KLHL1: variants seen among roughly 807,000 people sequenced by gnomAD.
KLHL1 encodes the protein kelch like family member 1.
A neutral mutation model predicts 77.7 loss-of-function variants in KLHL1; 47 were observed. That is an observed-to-expected ratio of 0.60 (90% CI 0.48 to 0.77). The LOEUF is 0.77. Ranked by LOEUF, KLHL1 falls within the 30% of genes least tolerant of loss-of-function variation. KLHL1 has a pLI of 0.00. For synonymous variants in KLHL1, 360 were observed against 325.2 expected, an observed-to-expected ratio of 1.11 and a Z score of -1.15; for missense variants, 925 against 910.8, an observed-to-expected ratio of 1.02 and a Z score of -0.20.
intron 1 of KLHL1, among the ~76,000 whole-genome samples, chr13:70,092,551 T>C (rs1328623): frequency 0.15 from 23,189 of 152,176 alleles, 2,730 homozygotes; most frequent in African/African-American, 0.32. Flanking sequence ...TATTATTAGA[T>C]ACAAAGTTTA....
At chr13:70,041,144 T>G (rs1023730912) in intron 1 of KLHL1, among the ~76,000 whole-genome samples, 2 of 152,196 alleles carry the variant, frequency 1.3e-5, no homozygotes, top group African/African-American at 4.8e-5. Flanking sequence ...TTTTTTTATT[T>G]GTAGTAGACA....
At chr13:69,896,862 G>T (rs113693968) in intron 4 of KLHL1, among the ~76,000 whole-genome samples, 1 of 151,766 alleles carries the variant, frequency 6.6e-6, no homozygotes, top group Non-Finnish European at 1.5e-5. Context: ...TAATAGAAAC[G>T]GGGTTTCACC....
intron 1 of KLHL1, among the ~76,000 whole-genome samples, chr13:70,024,039 C>CAA (rs201655110): frequency 6.6e-6 from 1 of 150,928 alleles, no homozygotes; most frequent in Admixed American, 6.6e-5. Context: ...TAATTAGTTG[C>CAA]AAAAAAAATG....
intron 2 of KLHL1, among the ~76,000 whole-genome samples, chr13:69,966,266 C>G (rs1369243149): frequency 2.0e-5 from 3 of 152,024 alleles, no homozygotes; most frequent in African/African-American, 7.2e-5. Flanking sequence ...GACTAATGCA[C>G]CAGTGAGTTT....
At chr13:69,981,743 C>T (rs1366120090) in intron 1 of KLHL1, among the ~76,000 whole-genome samples, 2 of 151,132 alleles carry the variant, frequency 1.3e-5, no homozygotes, top group Non-Finnish European at 2.9e-5. Context: ...TTTTAAACAA[C>T]ATATAGTCAT....
chr13:69,779,558 A>G lies in KLHL1; in HGVS notation c.1639+17180T>C, dbSNP rs114170293. Among the ~76,000 whole-genome samples the G allele has an allele frequency of 4.6e-3, 694 of 149,906 alleles. 10 individuals are homozygous for G. The highest frequency in any genetic ancestry group is 0.016 in the African/African-American group (667 of 40,706). Reference sequence around the variant, plus strand: ...TTCTTATTTCTCTTTTTCTGGGATTACTAATGGTGTCTATATTTCTAACAG... The same window carrying G: ...TTCTTATTTCTCTTTTTCTGGGATTGCTAATGGTGTCTATATTTCTAACAG... On this transcript the variant is annotated intron_variant, in intron 7 of 10. Coordinates refer to ENST00000377844, the MANE Select transcript of KLHL1 (RefSeq NM_020866.3).
At chr13:69,796,649 T>C (rs1002628399) in intron 7 of KLHL1, 89 bp downstream of exon 7, 1 of 991,658 alleles carries the variant, frequency 1.0e-6, no homozygotes, top group South Asian at 1.7e-5. Context: ...ACAAATTTAC[T>C]AAGACAGACA....
At chr13:69,721,713 A>G (rs1262320995) in intron 8 of KLHL1, among the ~76,000 whole-genome samples, 1 of 152,104 alleles carries the variant, frequency 6.6e-6, no homozygotes, top group African/African-American at 2.4e-5. Flanking sequence ...ATGTTTTTCT[A>G]AAGCTGTTTA....
intron 7 of KLHL1, among the ~76,000 whole-genome samples, chr13:69,792,198 C>G (rs1876903419): frequency 6.6e-6 from 1 of 151,974 alleles, no homozygotes; most frequent in African/African-American, 2.4e-5. Context: ...AGTATCAAAA[C>G]GTAAAAGGAA....
intron 7 of KLHL1, among the ~76,000 whole-genome samples, chr13:69,755,057 T>C (rs1874647371): frequency 6.6e-6 from 1 of 152,134 alleles, no homozygotes; most frequent in Non-Finnish European, 1.5e-5. Context: ...CTCCAAATCT[T>C]ATGTTGAAAT....
intron 7 of KLHL1, among the ~76,000 whole-genome samples, chr13:69,790,035 A>G (rs1228302654): frequency 6.6e-6 from 1 of 152,026 alleles, no homozygotes; most frequent in African/African-American, 2.4e-5. Context: ...CTATTTAACT[A>G]TCAAGCTTCT....
At chr13:69,998,743 TG>T (rs1452548516) in intron 1 of KLHL1, among the ~76,000 whole-genome samples, 3 of 152,052 alleles carry the variant, frequency 2.0e-5, no homozygotes, top group African/African-American at 7.2e-5. Context: ...TCTGATGGCT[TG>T]GGTTGTCTGG....
At chr13:69,748,341 G>A (rs1270959246) in intron 7 of KLHL1, among the ~76,000 whole-genome samples, 1 of 152,036 alleles carries the variant, frequency 6.6e-6, no homozygotes, top group African/African-American at 2.4e-5. Flanking sequence ...CATGGCTGAG[G>A]AGGCCTCAGA....
chr13:69,784,882 ATTTTTT>A (rs775109435), intron 7 of KLHL1, among the ~76,000 whole-genome samples: 29 of 79,498 alleles, frequency 3.6e-4, no homozygotes, highest in African/African-American at 8.6e-4. Flanking sequence ...CAGAATATAC[ATTTTTT>A]TTTTTTTTTT....
chr13:69,815,024 A>C (rs1878060010), intron 6 of KLHL1, among the ~76,000 whole-genome samples: 1 of 149,622 alleles, frequency 6.7e-6, no homozygotes, highest in African/African-American at 2.6e-5. Flanking sequence ...AAAATAAATA[A>C]AATAAAATAA....
At chr13:70,030,557 C>T (rs1269931329) in intron 1 of KLHL1, among the ~76,000 whole-genome samples, 2 of 152,080 alleles carry the variant, frequency 1.3e-5, no homozygotes. Flanking sequence ...AGAACAAAGA[C>T]ACAACATACC....
chr13:69,872,814 A>G (rs1880632424), intron 5 of KLHL1, among the ~76,000 whole-genome samples: 1 of 152,144 alleles, frequency 6.6e-6, no homozygotes, highest in Non-Finnish European at 1.5e-5. Context: ...TGTGTAACTA[A>G]TAGAGTGGGA....
Position 69,974,089 on chromosome 13 carries a change from A to G in KLHL1, c.680+1531T>C, listed in dbSNP as rs918074987. On this transcript the variant is annotated intron_variant, in intron 2 of 10. Transcript: ENST00000377844. ...CCGATCATGAGTTGCTGTTTGCTCA[A>G]ATAAACTCTTTAAAATAGTAATGTA... 5.9e-5 allele frequency among the ~76,000 whole-genome samples: 9 copies of G among 152,152 alleles called. No homozygotes were observed. The East Asian group carries it at 7.7e-4, about 13-fold the overall frequency.
chr13:69,786,581 G>C (rs762070849), intron 7 of KLHL1, among the ~76,000 whole-genome samples: 23 of 152,096 alleles, frequency 1.5e-4, no homozygotes, highest in South Asian at 4.1e-4. Flanking sequence ...GAAGCATTCC[G>C]TTTGAAAACT....
Sources: gnomAD v4.1 joint callset for allele counts (sites outside exome capture counted in the v4.1 genomes callset) on GRCh38, gnomAD v4.1.1 for gene constraint, MANE v1.5 for transcripts, NCBI Gene and HGNC (gene_info 2026-07-23, HGNC 2026-07-21) for gene names.